Variants in ALDH2 observed in about 807,000 individuals in gnomAD.
The protein encoded by ALDH2 is aldehyde dehydrogenase, mitochondrial.
Under a neutral mutation model 59.6 loss-of-function variants are expected in ALDH2, and 44 were observed. The ratio of observed to expected loss-of-function variants is 0.74; its 90% CI spans 0.58 to 0.95. The LOEUF (loss-of-function observed/expected upper bound fraction) is 0.95, where lower values mean the gene tolerates loss of function less well. Among genes scored for constraint, ALDH2 ranks in the 40% least tolerant of loss-of-function variants. The pLI is 0.00. For synonymous variants in ALDH2, 291 were observed against 284.0 expected (o/e 1.02, Z -0.25); for missense variants, 570 against 696.3 (o/e 0.82, Z 2.04).
intron 12 of ALDH2, among the ~76,000 whole-genome samples, chr12:111,807,549 G>A (rs2068506719): frequency 6.6e-6 from 1 of 152,188 alleles, no homozygotes; most frequent in South Asian, 2.1e-4. Context: ...TGTTAAGGAG[G>A]CGATGTCCAG....
At chr12:111,779,525 C>T (rs1443576609) in intron 1 of ALDH2, among the ~76,000 whole-genome samples, 1 of 152,208 alleles carries the variant, frequency 6.6e-6, no homozygotes, top group Non-Finnish European at 1.5e-5. Context: ...CTGGCCACCC[C>T]TCCCCAGCCC....
At chr12:111,801,324 T>C (rs1281811417) in intron 11 of ALDH2, among the ~76,000 whole-genome samples, 1 of 152,142 alleles carries the variant, frequency 6.6e-6, no homozygotes, top group African/African-American at 2.4e-5. Context: ...AAGATGAGAT[T>C]TGGGTGGGGA....
chr12:111,806,656 A>G (rs1464335301), intron 12 of ALDH2, among the ~76,000 whole-genome samples: 1 of 152,224 alleles, frequency 6.6e-6, no homozygotes, highest in African/African-American at 2.4e-5. Flanking sequence ...AAACTTTCCA[A>G]TCTATGCAAA....
chr12:111,774,724 G>C (rs1411536677), intron 1 of ALDH2, among the ~76,000 whole-genome samples: 1 of 152,102 alleles, frequency 6.6e-6, no homozygotes, highest in Admixed American at 6.6e-5. Context: ...AGGTCTGGGG[G>C]TGGTGGCCAG....
chr12:111,789,909 T>TG lies in ALDH2; in HGVS notation c.532dup (p.Val178GlyfsTer35), dbSNP rs907230062. The TG allele has an allele frequency of 6.2e-7, 1 of 1,614,044 alleles. No homozygotes were observed. Among genetic ancestry groups the TG allele is most frequent in the Non-Finnish European group, 8.5e-7 (1 of 1,179,982 alleles). On this transcript the variant is annotated frameshift_variant, in exon 5 of 13. Coordinates refer to ENST00000261733, the MANE Select transcript of ALDH2 (RefSeq NM_000690.4). LOFTEE classifies it high-confidence loss of function. ...TTCAGCTACACACGCCATGAACCTG[T>TG]GGGGGTGTGCGGGCAGATCATTCCG... is the stretch of plus-strand genomic sequence containing the variant.
At chr12:111,788,567 T>A (rs2068330497) in intron 4 of ALDH2, among the ~76,000 whole-genome samples, 1 of 152,154 alleles carries the variant, frequency 6.6e-6, no homozygotes, top group Non-Finnish European at 1.5e-5. Flanking sequence ...GCTGATGAAA[T>A]AACTTCTGGG....
At chr12:111,804,174 C>T (rs1039187073) in intron 12 of ALDH2, among the ~76,000 whole-genome samples, 28 of 152,210 alleles carry the variant, frequency 1.8e-4, no homozygotes, top group Admixed American at 1.1e-3. Context: ...GTCTGCTGGG[C>T]GGGCCACCTT....
rs1357718023 is a variant in ALDH2, at chr12:111,767,373, C to T, written c.114+277C>T. Among the ~76,000 whole-genome samples the T allele has an allele frequency of 3.9e-5, 6 of 152,204 alleles. No individual in the cohort carries two copies. In the East Asian group the frequency reaches 1.2e-3, roughly 29 times the overall value. On this transcript the variant is annotated intron_variant, in intron 1 of 12. Coordinates refer to ENST00000261733, the MANE Select transcript of ALDH2 (RefSeq NM_000690.4). ...TTTTCCAGGGCCAACTCTCGGGGTT[C>T]CGTTCTCCCCATGGTCCTTGCTTTC...
At chr12:111,781,835 TTG>T in intron 1 of ALDH2, 81 bp from the exon 2 acceptor site, 3 of 1,071,896 alleles carry the variant, frequency 2.8e-6, no homozygotes, top group Non-Finnish European at 4.2e-6. Context: ...TTGCTTTTTC[TTG>T]TTTTTTTTTT....
intron 3 of ALDH2, among the ~76,000 whole-genome samples, chr12:111,783,882 C>T (rs1485756098): frequency 6.6e-6 from 1 of 152,058 alleles, no homozygotes; most frequent in Non-Finnish European, 1.5e-5. Context: ...GGAGGCCTTC[C>T]CAGGAGAGAG....
Position 111,798,901 on chromosome 12 carries a change from C to G in ALDH2, c.1248+659C>G, listed in dbSNP as rs1042156631. On this transcript the variant is annotated intron_variant, in intron 10 of 12. Coordinates refer to ENST00000261733, the MANE Select transcript of ALDH2 (RefSeq NM_000690.4). Reference sequence around the variant, plus strand: ...GCGCTTGCTTGAAATCCCAGCTACTCTGGAGGCTGAGGCAGGAGAATCGCT... The same window carrying G: ...GCGCTTGCTTGAAATCCCAGCTACTGTGGAGGCTGAGGCAGGAGAATCGCT... Among the ~76,000 whole-genome samples the G allele has an allele frequency of 3.3e-5, 5 of 151,578 alleles. No homozygotes were observed. The East Asian group carries it at 6.0e-4, about 18-fold the overall frequency.
chr12:111,811,979 A>C lies in ALDH2; in HGVS notation c.*2404A>C, dbSNP rs1317678469. 1 of 166,986 alleles carries C rather than the reference A, an allele frequency of 6.0e-6. No individual in the cohort carries two copies. The highest frequency in any genetic ancestry group is 2.4e-5 in the African/African-American group (1 of 41,680). 10.3% of individuals were successfully genotyped at this position (166,986 alleles called of 1,614,324 possible). On this transcript the variant is annotated 3_prime_UTR_variant, in exon 13 of 13. Transcript: ENST00000261733. ...TTATTGGATACAAAGCAAAAGGGGC[A>C]GGGTAAAGAGTGTGAGTCATCTCCA...
At chr12:111,768,721 G>A (rs889054751) in intron 1 of ALDH2, among the ~76,000 whole-genome samples, 6 of 151,760 alleles carry the variant, frequency 4.0e-5, no homozygotes, top group African/African-American at 1.2e-4. Context: ...GCACATGCCT[G>A]TAGTCCCAGC....
intron 9 of ALDH2, among the ~76,000 whole-genome samples, chr12:111,794,435 A>C (rs1406876075): frequency 6.6e-6 from 1 of 152,120 alleles, no homozygotes; most frequent in Non-Finnish European, 1.5e-5. Flanking sequence ...CTGATTCCTC[A>C]GTGGGGAGCC....
At chr12:111,802,512 CA>C (rs1398036051) in intron 11 of ALDH2, among the ~76,000 whole-genome samples, 2 of 151,534 alleles carry the variant, frequency 1.3e-5, no homozygotes, top group African/African-American at 4.8e-5. Flanking sequence ...ACTTTAGAGG[CA>C]GAAGTTGCAG....
chr12:111,792,302 G>A (rs1027381638), intron 8 of ALDH2, 139 bp downstream of exon 8: 15 of 736,880 alleles, frequency 2.0e-5, no homozygotes, highest in Admixed American at 5.8e-5. Flanking sequence ...AGACGCCAGC[G>A]CAGGGCCTGC....
At chr12:111,774,768 C>T (rs1186057321) in intron 1 of ALDH2, among the ~76,000 whole-genome samples, 1 of 152,064 alleles carries the variant, frequency 6.6e-6, no homozygotes, top group East Asian at 1.9e-4. Context: ...GTCTGACCTC[C>T]GCCCCCAAGG....
chr12:111,792,952 C>T (rs902547142), intron 9 of ALDH2, among the ~76,000 whole-genome samples, 170 bp downstream of exon 9: 8 of 152,142 alleles, frequency 5.3e-5, no homozygotes, highest in Non-Finnish European at 1.2e-4. Context: ...TTCCCCATCC[C>T]GAGCCGTGCC....
At position 111,783,224 on chromosome 12, in the gene ALDH2, A is replaced by G; in HGVS notation, c.286A>G (p.Met96Val). 11 of 1,613,570 alleles carry G rather than the reference A, an allele frequency of 6.8e-6. No homozygotes were observed. Among genetic ancestry groups the G allele is most frequent in the Non-Finnish European group, 9.3e-6 (11 of 1,179,750 alleles). ...CCAGCTGGGCTCACCTTGGCGCCGC[A>G]TGGACGCATCACACAGGGGCCGGCT... is the stretch of plus-strand genomic sequence containing the variant. ...AFQLGSPWRR[M>V]DASHRGRLLN... Residue 96 changes from methionine (M) to valine (V), a missense_variant, in exon 3 of 13, where the codon ATG becomes GTG. Physicochemically the swap from Met to Val is conservative, Grantham distance 21. Transcript: ENST00000261733.
Sources: allele counts gnomAD v4.1 joint callset (sites outside exome capture counted in the v4.1 genomes callset), GRCh38; gene constraint gnomAD v4.1.1; transcripts MANE v1.5; gene names NCBI Gene and HGNC (gene_info 2026-07-23, HGNC 2026-07-21).